The following ATP8B3 variants were observed in gnomAD, a reference collection of about 807,000 sequenced individuals.
ATP8B3 encodes the protein phospholipid-transporting ATPase IK.
A neutral mutation model predicts 140.9 loss-of-function variants in ATP8B3; 141 were observed. That is an observed-to-expected ratio of 1.00 (90% CI 0.87 to 1.15). The LOEUF (loss-of-function observed/expected upper bound fraction) is 1.15, where lower values mean the gene tolerates loss of function less well. Among genes scored for constraint, ATP8B3 ranks in the 50% most tolerant of loss-of-function variants. The pLI, the probability that ATP8B3 is intolerant of heterozygous loss-of-function variation, is 0.00. For missense variants in ATP8B3, 1,874 were observed against 1,740.6 expected, an observed-to-expected ratio of 1.08 and a Z score of -1.36; for synonymous variants, 765 against 714.6, an observed-to-expected ratio of 1.07 and a Z score of -1.13.
chr19:1,802,973 A>G (rs2068901134), intron 10 of ATP8B3, among the ~76,000 whole-genome samples: 1 of 152,104 alleles, frequency 6.6e-6, no homozygotes, highest in South Asian at 2.1e-4. Flanking sequence ...AGCTATTGTT[A>G]ATGTCTGTGA....
At chr19:1,791,197 A>G (rs1284295968) in intron 20 of ATP8B3, among the ~76,000 whole-genome samples, 1 of 152,048 alleles carries the variant, frequency 6.6e-6, no homozygotes, top group Non-Finnish European at 1.5e-5. Context: ...CCTGGCCGAC[A>G]GAGGGCACCC....
At position 1,800,366 on chromosome 19, in the gene ATP8B3, G is replaced by A. The variant is rs183309048; in HGVS notation, c.1236C>T (p.Tyr412=). 62 of 1,612,838 alleles carry A rather than the reference G, an allele frequency of 3.8e-5. No individual in the cohort carries two copies. In the South Asian group the frequency reaches 6.0e-4, roughly 16 times the overall value. The change falls in exon 13 of 29, where the codon TAC becomes TAT. Residue 412 remains tyrosine (Y), a synonymous_variant. Coordinates refer to ENST00000310127, the MANE Select transcript of ATP8B3 (RefSeq NM_138813.4). This position sits in a 1 kb window ranked among gnomAD's most constrained non-coding sequence, Gnocchi z 4.4. ...FSVKEFKDHH[Y]YLSGVHGSSV... Reference sequence around the variant, plus strand: ...TGCTCCCATGCACCCCCGAGAGGTAGTAGTGGTGGTCTTTGAATTCTTTGA... The same window carrying A: ...TGCTCCCATGCACCCCCGAGAGGTAATAGTGGTGGTCTTTGAATTCTTTGA...
rs10418560 is a variant in ATP8B3 at position 1,812,205 on chromosome 19, G to A, written c.-168C>T. ...GCTCACCGGCGCAGGAGAGGCAGGG[G>A]GGGGCAGGCCGCGGGCGTCCAGGGC... On this transcript the variant is annotated 5_prime_UTR_variant, in exon 1 of 29. Transcript: ENST00000310127. The A allele has an allele frequency of 0.38, 58,244 of 155,198 alleles. 11,470 individuals are homozygous for A. The highest frequency in any genetic ancestry group is 0.49 in the African/African-American group (20,439 of 41,588). 9.6% of individuals were successfully genotyped at this position (155,198 alleles called of 1,614,324 possible).
chr19:1,796,159 G>T lies in ATP8B3; in HGVS notation c.1860C>A (p.Ile620=), dbSNP rs2068666088. The change falls in exon 17 of 29, where the codon ATC becomes ATA. Residue 620 remains isoleucine (I), a synonymous_variant. Transcript: ENST00000310127. The stretch of plus-strand genomic sequence containing the variant: ...AGACCCGTTCCTCCCCCAGCTCCAT[G>T]ATCGTGACGGTGTCCTGGGTGCGGG... ...FLSRTQDTVT[I]MELGEERVYQ... 2 of 1,612,850 alleles carry T rather than the reference G, an allele frequency of 1.2e-6. No individual in the cohort carries two copies. Among genetic ancestry groups the T allele is most frequent in the Non-Finnish European group, 1.7e-6 (2 of 1,179,878 alleles).
intron 21 of ATP8B3, among the ~76,000 whole-genome samples, 164 bp from the exon 22 acceptor site, chr19:1,790,153 G>A (rs113229042): frequency 0.76 from 62,199 of 81,498 alleles, 23,903 homozygotes; most frequent in African/African-American, 0.84. Context: ...TCCTCCCGCC[G>A]CTGCCCCTCC....
In ATP8B3 at chr19:1,811,534, T is replaced by C. The variant is rs753888911; in HGVS notation, c.203A>G (p.Lys68Arg). Residue 68 changes from lysine to arginine, a missense_variant, in exon 2 of 29, where the codon AAG becomes AGG. Physicochemically the swap from Lys to Arg is conservative, Grantham distance 26. This residue lies in a region of ATP8B3 where 1,032 missense variants were observed against 963.6 expected (regional missense o/e 1.07). Coordinates refer to ENST00000310127, the MANE Select transcript of ATP8B3 (RefSeq NM_138813.4). ...PGRGAPERRHKAQPGRARKYE... is the reference protein window; with the variant it reads ...PGRGAPERRHRAQPGRARKYE... Reference sequence around the variant, plus strand: ...CTTCCTAGCCCGGCCAGGCTGGGCCTTGTGCCTCCTCTCAGGTGCCCCTCT... The same window carrying C: ...CTTCCTAGCCCGGCCAGGCTGGGCCCTGTGCCTCCTCTCAGGTGCCCCTCT... 1.9e-6 allele frequency: 3 copies of C among 1,612,306 alleles called. No individual in the cohort carries two copies.
rs1600434053 is a variant in ATP8B3, at chr19:1,796,226, G to A, written c.1793C>T (p.Ala598Val). Residue 598 changes from alanine to valine, a missense_variant, in exon 17 of 29, where the codon GCG (alanine) becomes GTG (valine). Ala to Val is a moderately conservative substitution (Grantham distance 64). Around this residue, in one of 3 missense-constraint regions of ATP8B3, gnomAD observed 1,032 missense variants for 963.6 expected, o/e 1.07. Coordinates refer to ENST00000310127, the MANE Select transcript of ATP8B3 (RefSeq NM_138813.4). ...GAAGTTCCGGGCTGCGGTGACCAGCGCCCCCTCGTCGGGGGAGGCCGCCTG... is the reference window on the plus strand; with the variant it reads ...GAAGTTCCGGGCTGCGGTGACCAGCACCCCCTCGTCGGGGGAGGCCGCCTG... ...LYQAASPDEG[A>V]LVTAARNFGY... The A allele has an allele frequency of 1.9e-6, 3 of 1,612,486 alleles. No homozygotes were observed. The highest frequency in any genetic ancestry group is 2.5e-6 in the Non-Finnish European group (3 of 1,179,794).
intron 18 of ATP8B3, among the ~76,000 whole-genome samples, chr19:1,792,579 CAAAAA>C (rs3050768): frequency 5.2e-5 from 5 of 95,296 alleles, no homozygotes; most frequent in Non-Finnish European, 7.9e-5. Flanking sequence ...GACTCCATCT[CAAAAA>C]AAAAAAAAAA....
intron 3 of ATP8B3, 63 bp downstream of exon 3, chr19:1,810,559 T>C (rs1418206990): frequency 1.3e-6 from 2 of 1,521,752 alleles, no homozygotes; most frequent in South Asian, 1.2e-5. Context: ...CCACCACGCC[T>C]GGCCAGCCCT....
At position 1,788,935 on chromosome 19, in the gene ATP8B3, G is replaced by C; in HGVS notation, c.3031C>G (p.Gln1011Glu). The C allele has an allele frequency of 4.4e-6, 7 of 1,605,954 alleles. No homozygotes were observed. The highest frequency in any genetic ancestry group is 5.9e-6 in the Non-Finnish European group (7 of 1,176,686). The change falls in exon 24 of 29, where the codon CAG (glutamine) becomes GAG (glutamate). Residue 1011 changes from glutamine to glutamate, a missense_variant. By Grantham distance (29) the Gln-to-Glu change is conservative. This residue lies in a region of ATP8B3 where 840 missense variants were observed against 760.9 expected (regional missense o/e 1.10). Transcript: ENST00000310127. Reference protein sequence around the residue: ...FYKSMASMMVQVWFACYNGFT... With the variant: ...FYKSMASMMVEVWFACYNGFT... Reference sequence around the variant, plus strand: ...CCGTTGTAGCAGGCAAACCAGACCTGCACCATCATGCTGGCCATGCTCTTG... The same window carrying C: ...CCGTTGTAGCAGGCAAACCAGACCTCCACCATCATGCTGGCCATGCTCTTG...
At chr19:1,788,326 A>C (rs1024289384) in intron 24 of ATP8B3, among the ~76,000 whole-genome samples, 14 of 152,188 alleles carry the variant, frequency 9.2e-5, no homozygotes, top group Non-Finnish European at 1.5e-5. Flanking sequence ...CCAGAAGAGG[A>C]GGTCCATGTG....
chr19:1,788,101 G>A (rs1312798655), intron 24 of ATP8B3, among the ~76,000 whole-genome samples: 2 of 152,252 alleles, frequency 1.3e-5, no homozygotes, highest in East Asian at 3.9e-4. Context: ...AGGGGTTTCT[G>A]TAAAGCTCCC....
chr19:1,795,946 C>A lies in ATP8B3; in HGVS notation c.1984G>T (p.Ala662Ser). 2 of 1,613,292 alleles carry A rather than the reference C, an allele frequency of 1.2e-6. No individual in the cohort carries two copies. Among genetic ancestry groups the A allele is most frequent in the Non-Finnish European group, 1.7e-6 (2 of 1,179,860 alleles). The change falls in exon 18 of 29, where the codon GCC (alanine) becomes TCC (serine). Residue 662 changes from alanine (A) to serine (S), a missense_variant. Physicochemically the swap from Ala to Ser is moderately conservative, Grantham distance 99 (BLOSUM62 1). Around this residue, in one of 3 missense-constraint regions of ATP8B3, gnomAD observed 1,032 missense variants for 963.6 expected, o/e 1.07. Transcript: ENST00000310127. ...AAGCGTTCGAAGATGACCGTGTCGGCGCCCTTGGTGTACAGGCAGATGGCG... is the reference window on the plus strand; with the variant it reads ...AAGCGTTCGAAGATGACCGTGTCGGAGCCCTTGGTGTACAGGCAGATGGCG... ...EGAICLYTKG[A>S]DTVIFERLHR...
chr19:1,810,757 C>G (rs2069166771), intron 2 of ATP8B3, 74 bp from the exon 3 acceptor site: 12 of 1,442,808 alleles, frequency 8.3e-6, no homozygotes, highest in Admixed American at 2.0e-5. Flanking sequence ...CTTCAAGGAG[C>G]TCACAGCCTA....
At position 1,806,130 on chromosome 19, in the gene ATP8B3, A is replaced by G; in HGVS notation, c.717T>C (p.Asp239=). The G allele has an allele frequency of 6.2e-7, 1 of 1,602,282 alleles. No homozygotes were observed. Among genetic ancestry groups the G allele is most frequent in the Non-Finnish European group, 8.5e-7 (1 of 1,174,974 alleles). ...TGTTGTCCTTGCGGAGACAGACCAC[A>G]TCCCCCACGCACAGATCCTGCCATT... ...QKKWQDLCVG[D]VVCLRKDNIV... Residue 239 remains aspartate, a synonymous_variant, in exon 8 of 29, where the codon GAT becomes GAC. Coordinates refer to ENST00000310127, the MANE Select transcript of ATP8B3 (RefSeq NM_138813.4). The surrounding 1 kb of genome is among the most constrained non-coding windows in gnomAD (Gnocchi z 5.6).
intron 28 of ATP8B3, 147 bp downstream of exon 28, chr19:1,784,672 G>A (rs114862347): frequency 2.6e-6 from 3 of 1,149,854 alleles, no homozygotes; most frequent in African/African-American, 3.1e-5. Context: ...GTGTGTCCGG[G>A]GCTCCGCACC....
At chr19:1,803,708 C>T (rs141461098) in intron 10 of ATP8B3, among the ~76,000 whole-genome samples, 1,744 of 152,100 alleles carry the variant, frequency 0.011, 34 homozygotes, top group African/African-American at 0.04. Context: ...ACCAGCCTCA[C>T]CAACATGGTG....
intron 24 of ATP8B3, among the ~76,000 whole-genome samples, chr19:1,788,585 G>A (rs2068379808): frequency 6.6e-6 from 1 of 152,234 alleles, no homozygotes. Context: ...GGGAGGCGGA[G>A]GCTGCAGTGA....
At chr19:1,810,854 T>C (rs574422400) in intron 2 of ATP8B3, among the ~76,000 whole-genome samples, 171 bp from the exon 3 acceptor site, 1 of 152,232 alleles carries the variant, frequency 6.6e-6, no homozygotes, top group East Asian at 1.9e-4. Context: ...GCTGTGTGTC[T>C]TGCCTTGGAC....
Sources: gnomAD v4.1 joint callset for allele counts (sites outside exome capture counted in the v4.1 genomes callset) on GRCh38, gnomAD v4.1.1 for gene constraint, gnomAD v4.1.1 regional missense constraint, Gnocchi (gnomAD v3.1) non-coding constraint, MANE v1.5 for transcripts, NCBI Gene and HGNC (gene_info 2026-07-23, HGNC 2026-07-21) for gene names.